ALK: variants seen among roughly 807,000 people sequenced by gnomAD.
ALK encodes the protein ALK receptor tyrosine kinase.
ALK carries 74 observed loss-of-function variants against 163.1 expected under a neutral mutation model. The observed-to-expected ratio is 0.45, with a 90% CI of 0.38 to 0.55. The LOEUF (loss-of-function observed/expected upper bound fraction) is 0.55. Among genes scored for constraint, ALK ranks in the 20% least tolerant of loss-of-function variants. ALK has a pLI of 0.00. For missense variants in ALK, 2,063 were observed against 2,105.3 expected (o/e 0.98, Z 0.39); for synonymous variants, 960 against 843.2 (o/e 1.14, Z -2.40).
At chr2:29,301,063 G>A (rs1328832790) in intron 8 of ALK, among the ~76,000 whole-genome samples, 1 of 152,202 alleles carries the variant, frequency 6.6e-6, no homozygotes, top group East Asian at 1.9e-4. Flanking sequence ...GACCAGAGAA[G>A]TAGTCTGTCA....
At chr2:29,445,006 A>G (rs1310557936) in intron 4 of ALK, among the ~76,000 whole-genome samples, 1 of 152,178 alleles carries the variant, frequency 6.6e-6, no homozygotes, top group African/African-American at 2.4e-5. Flanking sequence ...CAAGTTATCA[A>G]AGATAAAGGA....
intron 3 of ALK, among the ~76,000 whole-genome samples, chr2:29,620,806 C>T (rs548738883): frequency 7.1e-4 from 108 of 152,208 alleles, no homozygotes; most frequent in African/African-American, 2.6e-3. Context: ...CCCCGCGCCT[C>T]GGGAGAAAGA....
intron 5 of ALK, among the ~76,000 whole-genome samples, chr2:29,369,709 C>T (rs928347498): frequency 3.3e-5 from 5 of 152,098 alleles, no homozygotes; most frequent in South Asian, 2.1e-4. Context: ...CAAAGATATC[C>T]GGAGTGTGGA....
rs189467660 is a variant in ALK, at chr2:29,288,763, C to A, written c.1817+8125G>T. On this transcript the variant is annotated intron_variant, in intron 9 of 28. Coordinates refer to ENST00000389048, the MANE Select transcript of ALK (RefSeq NM_004304.5). ...CTCAGGAGTTCAAGACAAGCCTGGC[C>A]AACATGGTGAAATCCCATCTCTACT... is the stretch of plus-strand genomic sequence containing the variant. 1.7e-4 allele frequency among the ~76,000 whole-genome samples: 26 copies of A among 151,788 alleles called. No individual in the cohort carries two copies. In the East Asian group the frequency reaches 4.1e-3, roughly 24 times the overall value.
chr2:29,651,790 A>ATTCAGCTATT (rs1677044141), intron 3 of ALK, among the ~76,000 whole-genome samples: 1 of 152,170 alleles, frequency 6.6e-6, no homozygotes, highest in South Asian at 2.1e-4. Context: ...CATTCAACTG[A>ATTCAGCTATT]GTTTTCATAG....
At chr2:29,628,792 G>T in intron 3 of ALK, among the ~76,000 whole-genome samples, 1 of 152,140 alleles carries the variant, frequency 6.6e-6, no homozygotes, top group Non-Finnish European at 1.5e-5. Context: ...AGCAGTAAAT[G>T]AGAAACTATT....
rs549972021 is a variant in ALK at position 29,916,114 on chromosome 2, G to T, written c.667+3879C>A. Among the ~76,000 whole-genome samples, 20 of 152,236 alleles carry T rather than the reference G, an allele frequency of 1.3e-4. No individual in the cohort carries two copies. In the South Asian group the frequency reaches 4.1e-3, roughly 32 times the overall value. On this transcript the variant is annotated intron_variant, in intron 1 of 28. Transcript: ENST00000389048. ...TAGCTTCTCAATATGTGAAAATATAGAACTGATTAATTAGGAATGCTGGGA... is the reference window on the plus strand; with the variant it reads ...TAGCTTCTCAATATGTGAAAATATATAACTGATTAATTAGGAATGCTGGGA...
At chr2:29,915,182 C>A (rs528304274) in intron 1 of ALK, among the ~76,000 whole-genome samples, 235 of 152,286 alleles carry the variant, frequency 1.5e-3, no homozygotes, top group Non-Finnish European at 2.4e-3. Flanking sequence ...TGCTGATCAA[C>A]TCTCATTCTT....
At chr2:29,570,763 G>A (rs901433106) in intron 3 of ALK, among the ~76,000 whole-genome samples, 6 of 152,176 alleles carry the variant, frequency 3.9e-5, no homozygotes, top group Admixed American at 3.9e-4. Flanking sequence ...AGGGTTCCCT[G>A]GCAGAGGGCT....
At chr2:29,861,474 A>C (rs910909326) in intron 1 of ALK, among the ~76,000 whole-genome samples, 13 of 152,318 alleles carry the variant, frequency 8.5e-5, no homozygotes, top group Admixed American at 5.9e-4. Context: ...ACAGAAATAC[A>C]AAAGATCATA....
At chr2:29,244,556 C>T (rs917092491) in intron 12 of ALK, among the ~76,000 whole-genome samples, 1 of 152,282 alleles carries the variant, frequency 6.6e-6, no homozygotes, top group South Asian at 2.1e-4. Context: ...CAGTGTAGCC[C>T]TAAGTGCCTT....
intron 23 of ALK, among the ~76,000 whole-genome samples, chr2:29,214,996 C>T (rs1378091503): frequency 6.6e-6 from 1 of 152,200 alleles, no homozygotes; most frequent in Non-Finnish European, 1.5e-5. Flanking sequence ...AGCTGCAGGC[C>T]AGGATTTACC....
chr2:29,313,228 G>T (rs1195178503), intron 8 of ALK, among the ~76,000 whole-genome samples: 1 of 152,162 alleles, frequency 6.6e-6, no homozygotes, highest in Non-Finnish European at 1.5e-5. Flanking sequence ...AGGTAAACTG[G>T]CTCCAGGAAA....
At chr2:29,633,397 C>T (rs981092152) in intron 3 of ALK, among the ~76,000 whole-genome samples, 11 of 151,864 alleles carry the variant, frequency 7.2e-5, no homozygotes, top group Admixed American at 3.3e-4. Context: ...AGATTAAAAT[C>T]GAAATTTGTG....
intron 1 of ALK, among the ~76,000 whole-genome samples, chr2:29,767,403 G>A (rs1405585348): frequency 6.6e-6 from 1 of 152,118 alleles, no homozygotes; most frequent in Non-Finnish European, 1.5e-5. Flanking sequence ...GTTTTCCCAG[G>A]ACCGTTGTGA....
intron 1 of ALK, among the ~76,000 whole-genome samples, chr2:29,902,484 T>C (rs1572485574): frequency 6.6e-6 from 1 of 152,314 alleles, no homozygotes; most frequent in South Asian, 2.1e-4. Context: ...AGTTTCATCT[T>C]CCTAAAATGC....
intron 4 of ALK, among the ~76,000 whole-genome samples, chr2:29,462,921 A>C (rs1475049571): frequency 6.6e-6 from 1 of 152,204 alleles, no homozygotes; most frequent in Admixed American, 6.5e-5. Context: ...TTATAAATAT[A>C]GCCAATAACA....
chr2:29,857,752 TC>T (rs1266912110), intron 1 of ALK, among the ~76,000 whole-genome samples: 1 of 152,190 alleles, frequency 6.6e-6, no homozygotes, highest in Non-Finnish European at 1.5e-5. Flanking sequence ...AATCTATTAT[TC>T]CCAAGAGATA....
Position 29,682,982 on chromosome 2 carries a change from T to G in ALK, c.952+11868A>C, listed in dbSNP as rs146415868. On this transcript the variant is annotated intron_variant, in intron 3 of 28. Transcript: ENST00000389048. ...TTCATTAACAAGTAAACACAGCATC[T>G]CGCATATTTCCAAATACTAACAGCT... Among the ~76,000 whole-genome samples the G allele has an allele frequency of 8.0e-3, 1,223 of 152,294 alleles. 15 individuals are homozygous for G. Among genetic ancestry groups the G allele is most frequent in the South Asian group, 0.044 (214 of 4,830 alleles).
Sources: gnomAD v4.1 joint callset for allele counts (sites outside exome capture counted in the v4.1 genomes callset) on GRCh38, gnomAD v4.1.1 for gene constraint, MANE v1.5 for transcripts, NCBI Gene and HGNC (gene_info 2026-07-23, HGNC 2026-07-21) for gene names.